Variants in DNAJC6 observed in about 807,000 individuals in gnomAD.
The protein encoded by DNAJC6 is DnaJ heat shock protein family (Hsp40) member C6.
DNAJC6 carries 34 observed loss-of-function variants against 110.0 expected under a neutral mutation model. That is an observed-to-expected ratio of 0.31 (90% CI 0.24 to 0.41). The LOEUF (loss-of-function observed/expected upper bound fraction) is 0.41, where lower values mean the gene tolerates loss of function less well. Among genes scored for constraint, DNAJC6 ranks in the 10% least tolerant of loss-of-function variants. DNAJC6 has a pLI of 1.00. For synonymous variants in DNAJC6, 406 were observed against 437.2 expected (o/e 0.93, Z 0.89); for missense variants, 1,031 against 1,207.8 (o/e 0.85, Z 2.17).
intron 1 of DNAJC6, among the ~76,000 whole-genome samples, chr1:65,356,557 C>G (rs1645545352): frequency 7.1e-6 from 1 of 140,936 alleles, no homozygotes; most frequent in Non-Finnish European, 1.5e-5. Flanking sequence ...GAATGATACT[C>G]TGTCTCAAAA....
chr1:65,295,362 CT>C (rs1368569311), intron 1 of DNAJC6, among the ~76,000 whole-genome samples: 1 of 152,176 alleles, frequency 6.6e-6, no homozygotes, highest in Non-Finnish European at 1.5e-5. Flanking sequence ...CCTTCAACCT[CT>C]GTGTGTCATC....
intron 1 of DNAJC6, among the ~76,000 whole-genome samples, chr1:65,268,958 A>G (rs1048241422): frequency 2.0e-5 from 3 of 152,200 alleles, no homozygotes; most frequent in Non-Finnish European, 4.4e-5. Flanking sequence ...ATAAGAGGTC[A>G]AAGAAAATAG....
At chr1:65,375,265 T>C (rs892796448) in intron 4 of DNAJC6, among the ~76,000 whole-genome samples, 1 of 151,048 alleles carries the variant, frequency 6.6e-6, no homozygotes, top group African/African-American at 2.4e-5. Context: ...GAGCCTGGCC[T>C]CATGAGGATT....
At position 65,365,992 on chromosome 1, in the gene DNAJC6, G is replaced by A. The variant is rs1271646441; in HGVS notation, c.395-56G>A. 13 of 1,612,620 alleles carry A rather than the reference G, an allele frequency of 8.1e-6. 1 individual carries two copies. Among genetic ancestry groups the A allele is most frequent in the South Asian group, 4.4e-5 (4 of 90,908 alleles). On this transcript the variant is annotated intron_variant, in intron 3 of 18. Coordinates refer to ENST00000371069, the MANE Select transcript of DNAJC6 (RefSeq NM_001256864.2). ...GCTCAGTTTCCCGTTGCTGCCCATC[G>A]TTATAGCAGACGTAAACATTTAACC...
intron 18 of DNAJC6, among the ~76,000 whole-genome samples, chr1:65,412,092 A>T (rs570883605): frequency 6.6e-6 from 1 of 152,392 alleles, no homozygotes; most frequent in Non-Finnish European, 1.5e-5. Flanking sequence ...CTAGGATGGT[A>T]ATGAAAAAGC....
chr1:65,414,593 G>A lies in DNAJC6; in HGVS notation c.*1568G>A, dbSNP rs1646155322. 6.6e-6 allele frequency: 1 copy of A among 152,424 alleles called. No individual in the cohort carries two copies. The highest frequency in any genetic ancestry group is 1.5e-5 in the Non-Finnish European group (1 of 67,972). The allele number at this position is 152,424 out of a possible 1,614,324, so 9.4% of individuals were successfully genotyped here. ...CTACATAGATCTCTTTCTCTCTTTT[G>A]TTTTGTTTGTTTGTTTGTTAAAGTT... On this transcript the variant is annotated 3_prime_UTR_variant, in exon 19 of 19. Transcript: ENST00000371069.
intron 1 of DNAJC6, among the ~76,000 whole-genome samples, chr1:65,299,560 A>G (rs1478244554): frequency 1.3e-5 from 2 of 152,198 alleles, no homozygotes; most frequent in African/African-American, 4.8e-5. Flanking sequence ...AAATAACACA[A>G]TAGATAGCAT....
At chr1:65,382,211 C>T (rs889238904) in intron 5 of DNAJC6, among the ~76,000 whole-genome samples, 2 of 152,208 alleles carry the variant, frequency 1.3e-5, no homozygotes, top group African/African-American at 2.4e-5. Context: ...ACCAACAGAA[C>T]ATTTCACATG....
chr1:65,392,320 G>A, intron 11 of DNAJC6, 111 bp from the exon 12 acceptor site: 1 of 1,052,740 alleles, frequency 9.5e-7, no homozygotes, highest in East Asian at 2.7e-5. Flanking sequence ...AACACTGTTT[G>A]CTCAGGGCTG....
chr1:65,364,611 T>C, intron 1 of DNAJC6, 24 bp from the exon 2 acceptor site: 1 of 1,547,310 alleles, frequency 6.5e-7, no homozygotes, highest in Non-Finnish European at 8.6e-7. Flanking sequence ...TTTTTGTTTG[T>C]TTGTTTTTTT....
chr1:65,392,782 C>A lies in DNAJC6; in HGVS notation c.1820C>A (p.Pro607His). 1.9e-6 allele frequency: 3 copies of A among 1,608,228 alleles called. No homozygotes were observed. Among genetic ancestry groups the A allele is most frequent in the Non-Finnish European group, 1.7e-6 (2 of 1,177,268 alleles). Reference sequence around the variant, plus strand: ...TCAGGAGTGGAAGATGTGTTTCATCCTAGTGGACCTGCGTCTACCCAGTCA... The same window carrying A: ...TCAGGAGTGGAAGATGTGTTTCATCATAGTGGACCTGCGTCTACCCAGTCA... ...GQSGVEDVFH[P>H]SGPASTQSTP... is the part of the protein sequence containing the mutation. The change falls in exon 12 of 19, where the codon CCT (proline) becomes CAT (histidine). Residue 607 changes from proline (P) to histidine (H), a missense_variant. Transcript: ENST00000371069.
chr1:65,379,045 C>A (rs1051574239), intron 4 of DNAJC6, among the ~76,000 whole-genome samples: 4 of 152,070 alleles, frequency 2.6e-5, no homozygotes, highest in Admixed American at 2.6e-4. Context: ...GGACTTATAA[C>A]CCTATAATTA....
At chr1:65,408,620 T>A in intron 16 of DNAJC6, 21 bp from the exon 17 acceptor site, 3 of 1,599,146 alleles carry the variant, frequency 1.9e-6, no homozygotes, top group Non-Finnish European at 2.6e-6. Flanking sequence ...ACTGTAATGA[T>A]TTTCAAAAAT....
At chr1:65,387,218 G>GC (rs1645881525) in intron 8 of DNAJC6, among the ~76,000 whole-genome samples, 1 of 152,126 alleles carries the variant, frequency 6.6e-6, no homozygotes, top group South Asian at 2.1e-4. Flanking sequence ...TTCTTATAGT[G>GC]CCCCATTTGG....
chr1:65,322,229 A>G (rs1645203720), intron 1 of DNAJC6, among the ~76,000 whole-genome samples: 1 of 152,128 alleles, frequency 6.6e-6, no homozygotes. Context: ...ACCCCCCCAA[A>G]CCTATTTTAG....
chr1:65,358,906 C>T (rs1645572824), intron 1 of DNAJC6, among the ~76,000 whole-genome samples: 1 of 152,096 alleles, frequency 6.6e-6, no homozygotes, highest in African/African-American at 2.4e-5. Context: ...CTTAGAGGAC[C>T]AGATGGAATT....
intron 1 of DNAJC6, among the ~76,000 whole-genome samples, chr1:65,270,543 T>A (rs1391694045): frequency 5.3e-5 from 8 of 152,190 alleles, no homozygotes; most frequent in African/African-American, 1.9e-4. Flanking sequence ...ACAATGAGAT[T>A]GAGCTGAGTA....
At chr1:65,327,292 G>T (rs1001105247) in intron 1 of DNAJC6, among the ~76,000 whole-genome samples, 24 of 152,172 alleles carry the variant, frequency 1.6e-4, no homozygotes, top group African/African-American at 5.3e-4. Flanking sequence ...TGAGGACCTA[G>T]TAAGGAGGAG....
At chr1:65,276,851 C>T (rs1483682481) in intron 1 of DNAJC6, among the ~76,000 whole-genome samples, 3 of 152,156 alleles carry the variant, frequency 2.0e-5, no homozygotes, top group Non-Finnish European at 4.4e-5. Context: ...ATTCTGCAGG[C>T]TTCTCTGTGT....
Sources: gnomAD v4.1 joint callset for allele counts (sites outside exome capture counted in the v4.1 genomes callset) on GRCh38, gnomAD v4.1.1 for gene constraint, MANE v1.5 for transcripts, NCBI Gene and HGNC (gene_info 2026-07-23, HGNC 2026-07-21) for gene names.